BANP: variants seen among roughly 807,000 people sequenced by gnomAD.
BANP encodes protein BANP.
BANP carries 11 observed loss-of-function variants against 68.1 expected under a neutral mutation model. That is an observed-to-expected ratio of 0.16 (90% confidence interval 0.10 to 0.27). The LOEUF is 0.27. Among genes scored for constraint, BANP ranks in the 10% least tolerant of loss-of-function variants. The pLI, the probability that BANP is intolerant of heterozygous loss-of-function variation, is 1.00. For missense variants in BANP, 504 were observed against 722.7 expected (o/e 0.70, Z 3.47); for synonymous variants, 329 against 303.2 (o/e 1.09, Z -0.88).
intron 1 of BANP, among the ~76,000 whole-genome samples, chr16:87,967,051 G>A (rs1567603692): frequency 6.6e-6 from 1 of 152,224 alleles, no homozygotes; most frequent in South Asian, 2.1e-4. Flanking sequence ...GGCCCCTGAA[G>A]GAGGTTTCCC....
intron 13 of BANP, among the ~76,000 whole-genome samples, chr16:88,075,135 C>T (rs1599191221): frequency 6.6e-6 from 1 of 152,194 alleles, no homozygotes; most frequent in Non-Finnish European, 1.5e-5. Flanking sequence ...CACCTGAGGT[C>T]AGGAGTTCGA....
In BANP at chr16:87,982,963, C is replaced by T. The variant is rs528423727; in HGVS notation, c.163-1097C>T. On this transcript the variant is annotated intron_variant, in intron 3 of 13. Coordinates refer to ENST00000682872, the MANE Select transcript of BANP (RefSeq NM_001386991.1). ...CCGTTCCGGCTCCAATGTGGGCCGG[C>T]CTCCCGCTCCCCTGTCAATGTGGGC... Among the ~76,000 whole-genome samples, 10 of 151,892 alleles carry T rather than the reference C, an allele frequency of 6.6e-5. No homozygotes were observed. The East Asian group carries it at 1.7e-3, about 26-fold the overall frequency.
At chr16:88,021,813 G>A (rs1320004760) in intron 7 of BANP, among the ~76,000 whole-genome samples, 2 of 152,180 alleles carry the variant, frequency 1.3e-5, no homozygotes, top group Non-Finnish European at 2.9e-5. Flanking sequence ...AGAGGCCTGC[G>A]GCTGTCCTCA....
chr16:88,026,218 C>G (rs149283214), intron 7 of BANP, among the ~76,000 whole-genome samples: 21 of 152,336 alleles, frequency 1.4e-4, no homozygotes, highest in Non-Finnish European at 2.8e-4. Context: ...AGACGATGCA[C>G]CTGGCTTTGG....
At chr16:87,967,150 G>A (rs950745387) in intron 1 of BANP, among the ~76,000 whole-genome samples, 2 of 152,216 alleles carry the variant, frequency 1.3e-5, no homozygotes, top group Admixed American at 1.3e-4. Context: ...GTGAGCTCTG[G>A]GGAGAGCAGG....
At chr16:88,055,712 G>T (rs1344391645) in intron 11 of BANP, among the ~76,000 whole-genome samples, 1 of 152,018 alleles carries the variant, frequency 6.6e-6, no homozygotes, top group African/African-American at 2.4e-5. Flanking sequence ...GAGGCTTTAG[G>T]CCACTCTAAA....
intron 5 of BANP, 144 bp from the exon 6 acceptor site, chr16:88,005,946 T>C: frequency 1.1e-6 from 1 of 895,380 alleles, no homozygotes; most frequent in Non-Finnish European, 1.7e-6. Flanking sequence ...TTTCTATTAA[T>C]CTTGGTAGAG....
At chr16:87,993,481 C>G (rs2066403052) in intron 4 of BANP, among the ~76,000 whole-genome samples, 3 of 152,216 alleles carry the variant, frequency 2.0e-5, no homozygotes, top group African/African-American at 7.2e-5. Flanking sequence ...CTGCTTCATT[C>G]TGGTGCTCAC....
At chr16:88,021,918 G>A (rs2076106476) in intron 7 of BANP, among the ~76,000 whole-genome samples, 1 of 152,092 alleles carries the variant, frequency 6.6e-6, no homozygotes, top group African/African-American at 2.4e-5. Flanking sequence ...GGAGAAAAAA[G>A]TCTACATTTT....
In BANP at chr16:87,975,095, C is replaced by A; in HGVS notation, c.-21C>A. The A allele has an allele frequency of 6.3e-7, 1 of 1,588,804 alleles. No individual in the cohort carries two copies. Among genetic ancestry groups the A allele is most frequent in the East Asian group, 2.2e-5 (1 of 44,826 alleles). On this transcript the variant is annotated 5_prime_UTR_variant, in exon 2 of 14. Coordinates refer to ENST00000682872, the MANE Select transcript of BANP (RefSeq NM_001386991.1). ...GTGAGTTGAACTCTTTCGTGTTGAC[C>A]GGCCACTCTCCGTGCTCTGGATGAT... is the stretch of plus-strand genomic sequence containing the variant.
chr16:88,071,431 C>T lies in BANP; in HGVS notation c.1378-638C>T, dbSNP rs778678998. The T allele has an allele frequency of 6.6e-5, 30 of 455,888 alleles. No individual in the cohort carries two copies. The East Asian group carries it at 2.1e-3, about 32-fold the overall frequency. 28.2% of individuals were successfully genotyped at this position (455,888 alleles called of 1,614,324 possible). A position where few individuals can be genotyped will look rare whatever the true frequency, so the allele number is the denominator to read the frequency against. Reference sequence around the variant, plus strand: ...AGCCCACCCAGGGGCCTCGCCTGTCCCCCATTCTCATTCCATACTCTGGGA... The same window carrying T: ...AGCCCACCCAGGGGCCTCGCCTGTCTCCCATTCTCATTCCATACTCTGGGA... On this transcript the variant is annotated intron_variant, in intron 12 of 13. Coordinates refer to ENST00000682872, the MANE Select transcript of BANP (RefSeq NM_001386991.1). This position sits in a 1 kb window ranked among gnomAD's most constrained non-coding sequence, Gnocchi z 6.5.
chr16:87,959,357 G>C (rs570328341), intron 1 of BANP, among the ~76,000 whole-genome samples: 4 of 152,264 alleles, frequency 2.6e-5, no homozygotes, highest in Non-Finnish European at 5.9e-5. Context: ...TGGAGAGCTG[G>C]GCTGGGTTGT....
chr16:87,952,663 A>C (rs945415342), intron 1 of BANP: 2 of 152,240 alleles, frequency 1.3e-5, no homozygotes, highest in African/African-American at 4.8e-5. Context: ...ATCCAGTGCT[A>C]GAAGAAAACA....
chr16:88,042,271 C>T (rs377428947), intron 11 of BANP, among the ~76,000 whole-genome samples: 67 of 152,322 alleles, frequency 4.4e-4, no homozygotes, highest in African/African-American at 1.5e-3. Context: ...TCATAAAGAG[C>T]CATTTGGGAA....
intron 11 of BANP, among the ~76,000 whole-genome samples, chr16:88,041,585 CTG>C (rs1491512245): frequency 6.6e-6 from 1 of 152,222 alleles, no homozygotes; most frequent in Non-Finnish European, 1.5e-5. Flanking sequence ...ATGGAATGCC[CTG>C]TCTCACGCTC....
intron 9 of BANP, among the ~76,000 whole-genome samples, chr16:88,034,405 A>G (rs865996988): frequency 6.6e-6 from 1 of 152,216 alleles, no homozygotes; most frequent in Admixed American, 6.5e-5. Context: ...GATAAGGAGT[A>G]TTCGTTTCAT....
chr16:87,966,239 G>A (rs2059994102), intron 1 of BANP, among the ~76,000 whole-genome samples: 1 of 152,132 alleles, frequency 6.6e-6, no homozygotes, highest in African/African-American at 2.4e-5. Flanking sequence ...TACATTCAGG[G>A]TGTTACTCTG....
chr16:87,959,174 G>A (rs1341232586), intron 1 of BANP, among the ~76,000 whole-genome samples: 1 of 152,254 alleles, frequency 6.6e-6, no homozygotes, highest in Non-Finnish European at 1.5e-5. Context: ...GATGTCTCGT[G>A]CCACTGTGAA....
chr16:88,037,578 G>A (rs952908871), intron 10 of BANP: 15 of 210,018 alleles, frequency 7.1e-5, no homozygotes, highest in Non-Finnish European at 1.2e-4. Context: ...ACCTGGCGTG[G>A]TGATGCCGCA....
Sources: allele counts gnomAD v4.1 joint callset (sites outside exome capture counted in the v4.1 genomes callset), GRCh38; gene constraint gnomAD v4.1.1; non-coding constraint Gnocchi (gnomAD v3.1); transcripts MANE v1.5; gene names NCBI Gene and HGNC (gene_info 2026-07-23, HGNC 2026-07-21).